Variants in SBF1 observed in about 807,000 individuals in gnomAD.
The protein encoded by SBF1 is myotubularin-related protein 5.
In SBF1, 65 loss-of-function variants were observed where a neutral mutation model predicts 215.8. The ratio of observed to expected loss-of-function variants is 0.30; its 90% confidence interval spans 0.25 to 0.37. The LOEUF (loss-of-function observed/expected upper bound fraction) is 0.37, where lower values mean the gene tolerates loss of function less well. Among genes scored for constraint, SBF1 ranks in the 10% least tolerant of loss-of-function variants. The probability of loss-of-function intolerance (pLI) is 1.00; values close to 1 mark genes in which losing one functional copy is unlikely to be tolerated. For synonymous variants in SBF1, 1,410 were observed against 1,122.8 expected (o/e 1.26, Z -5.11); for missense variants, 2,634 against 2,667.8 (o/e 0.99, Z 0.28).
rs372926692 is a variant in SBF1, at chr22:50,464,886, G to A, written c.1364C>T (p.Ala455Val). 2.8e-4 allele frequency: 444 copies of A among 1,613,674 alleles called. 1 individual carries two copies. The highest frequency in any genetic ancestry group is 3.7e-4 in the Non-Finnish European group (437 of 1,180,016). ...GACACGCTGGGGGTGGTTCTCATCC[G>A]CCCGCATCCTTGCCACCTCGTGGGC... Reference protein sequence around the residue: ...LVAHEVARMRADENHPQRVLR... With the variant: ...LVAHEVARMRVDENHPQRVLR... The change falls in exon 13 of 41, where the codon GCG (alanine) becomes GTG (valine). Residue 455 changes from alanine (A) to valine (V), a missense_variant. By Grantham distance (64) the Ala-to-Val change is moderately conservative. Coordinates refer to ENST00000380817, the MANE Select transcript of SBF1 (RefSeq NM_002972.4).
Position 50,466,252 on chromosome 22 carries a change from G to A in SBF1, c.795C>T (p.Thr265=), listed in dbSNP as rs1054781823. ...GCTGAGCCGGCAGGATGGGCACATA[G>A]GTGAAGCTGTGCAGGCCCCAGAGGA... ...ALLFPLRYSF[T]YVPILPAQLL... Residue 265 remains threonine (T), a synonymous_variant, in exon 8 of 41, where the codon ACC becomes ACT. Coordinates refer to ENST00000380817, the MANE Select transcript of SBF1 (RefSeq NM_002972.4). 3.7e-6 allele frequency: 6 copies of A among 1,613,542 alleles called. No homozygotes were observed. The highest frequency in any genetic ancestry group is 5.1e-6 in the Non-Finnish European group (6 of 1,180,016).
chr22:50,464,693 C>G lies in SBF1; in HGVS notation c.1477G>C (p.Gly493Arg), dbSNP rs373993266. Residue 493 changes from glycine (G) to arginine (R), a missense_variant, in exon 14 of 41, where the codon GGT becomes CGT. By Grantham distance (125) the Gly-to-Arg change is moderately radical. Transcript: ENST00000380817. ...ACCCGTCGCAGGTGGCTGCTCTCAC[C>G]GGGCCTCTGTACCTTGTGCATCGCC... ...AVAMHKVQRPGESSHLRRVPR... is the reference protein window; with the variant it reads ...AVAMHKVQRPRESSHLRRVPR... The G allele has an allele frequency of 6.2e-7, 1 of 1,607,586 alleles. No individual in the cohort carries two copies. The highest frequency in any genetic ancestry group is 8.5e-7 in the Non-Finnish European group (1 of 1,179,618).
rs1263806867 is a variant in SBF1, at chr22:50,474,792, G to A, written c.49C>T (p.Pro17Ser). 4.7e-5 allele frequency: 68 copies of A among 1,461,214 alleles called. No homozygotes were observed. In the East Asian group the frequency reaches 8.1e-4, roughly 17 times the overall value. 90.5% of individuals were successfully genotyped at this position (1,461,214 alleles called of 1,614,324 possible). Residue 17 changes from proline (P) to serine (S), a missense_variant, in exon 1 of 41, where the codon CCG becomes TCG. Transcript: ENST00000380817. ...YFVLVAFGPH[P>S]RGSGEGQGQI... ...GCTTGGCCTCGGCACTCACCGCGCG[G>A]GTGCGGCCCGAACGCCACCAGCACG...
rs929323524 is a variant in SBF1, at chr22:50,454,723, T to C, written c.4832A>G (p.Asn1611Ser). The C allele has an allele frequency of 1.8e-5, 28 of 1,570,384 alleles. No individual in the cohort carries two copies. The highest frequency in any genetic ancestry group is 1.9e-4 in the Middle Eastern group (1 of 5,382). Reference sequence around the variant, plus strand: ...GTCCCACACCTTCAGGTTGGACACGTTGCTGTAGGGCCGCAGGACCTGAGG... The same window carrying C: ...GTCCCACACCTTCAGGTTGGACACGCTGCTGTAGGGCCGCAGGACCTGAGG... ...EDAEVLRPYS[N>S]VSNLKVWDFY... The change falls in exon 36 of 41, where the codon AAC becomes AGC. Residue 1611 changes from asparagine (N) to serine (S), a missense_variant. Transcript: ENST00000380817.
intron 29 of SBF1, 131 bp downstream of exon 29, chr22:50,456,903 T>C: frequency 1.2e-6 from 1 of 823,632 alleles, no homozygotes; most frequent in Non-Finnish European, 1.8e-6. Flanking sequence ...AGGTAAGGAC[T>C]GGGGCTCGGG....
chr22:50,468,290 A>G (rs1344284824), intron 2 of SBF1, 86 bp downstream of exon 2: 1 of 1,264,976 alleles, frequency 7.9e-7, no homozygotes, highest in African/African-American at 1.5e-5. Flanking sequence ...GGCACTGTGG[A>G]GGCCCCTCAG....
rs201341949 is a variant in SBF1, at chr22:50,460,128, G to C, written c.3315C>G (p.Thr1105=). ...VSEELEPSTL[T]PSSALKPSDR... ...CGGAGGGCTTCAGGGCTGAGGACGG[G>C]GTCAGCGTGCTGGGCTCCAGCTCCT... The change falls in exon 26 of 41, where the codon ACC becomes ACG. Residue 1105 remains threonine (T), a synonymous_variant. Coordinates refer to ENST00000380817, the MANE Select transcript of SBF1 (RefSeq NM_002972.4). The C allele has an allele frequency of 6.2e-7, 1 of 1,612,544 alleles. No individual in the cohort carries two copies. The highest frequency in any genetic ancestry group is 8.5e-7 in the Non-Finnish European group (1 of 1,179,984).
rs367804961 is a variant in SBF1, at chr22:50,465,199, C to G, written c.1203+16G>C. 1.3e-5 allele frequency: 21 copies of G among 1,612,522 alleles called. No individual in the cohort carries two copies. Among genetic ancestry groups the G allele is most frequent in the Non-Finnish European group, 1.6e-5 (19 of 1,179,384 alleles). ...CGCTTATCTCCTACCCCACGCCCAG[C>G]CACCAGGCACCCCACCTTATGGAAG... On this transcript the variant is annotated intron_variant, in intron 11 of 40. Coordinates refer to ENST00000380817, the MANE Select transcript of SBF1 (RefSeq NM_002972.4).
chr22:50,467,166 G>A (rs998971078), intron 5 of SBF1, 172 bp downstream of exon 5: 3 of 613,998 alleles, frequency 4.9e-6, no homozygotes, highest in Admixed American at 2.9e-5. Context: ...GCACAGGTGC[G>A]AGGGCCAGGT....
chr22:50,470,835 C>G (rs550587215), intron 1 of SBF1, among the ~76,000 whole-genome samples: 56 of 152,358 alleles, frequency 3.7e-4, no homozygotes, highest in African/African-American at 1.2e-3. Context: ...CAGAACACAG[C>G]TGGCCCCTGG....
intron 27 of SBF1, 35 bp downstream of exon 27, chr22:50,459,435 G>A (rs763352220): frequency 4.0e-5 from 64 of 1,611,940 alleles, no homozygotes; most frequent in South Asian, 2.7e-4. Context: ...GGTGAGATAG[G>A]GCAGGGCAGG....
In SBF1 at chr22:50,456,398, G is replaced by C; in HGVS notation, c.4087-3C>G. The C allele has an allele frequency of 6.2e-7, 1 of 1,611,888 alleles. No individual in the cohort carries two copies. The highest frequency in any genetic ancestry group is 8.5e-7 in the Non-Finnish European group (1 of 1,179,858). ...TGCAGGGGGTCTGACCGCACACCCT[G>C]AAAAGAATCCGGACAAGTCCCGTGA... On this transcript the variant is annotated splice_polypyrimidine_tract_variant and splice_region_variant and intron_variant, in intron 30 of 40. Coordinates refer to ENST00000380817, the MANE Select transcript of SBF1 (RefSeq NM_002972.4).
At chr22:50,456,085 G>A in intron 31 of SBF1, 131 bp downstream of exon 31, 2 of 980,610 alleles carry the variant, frequency 2.0e-6, no homozygotes, top group Admixed American at 5.8e-5. Flanking sequence ...GCCTGGGTGG[G>A]AAGTGGCTGT....
At chr22:50,454,984 C>T (rs757896739) in intron 34 of SBF1, 32 bp downstream of exon 34, 5 of 1,613,994 alleles carry the variant, frequency 3.1e-6, no homozygotes, top group Non-Finnish European at 3.4e-6. Context: ...CCTCCTGACC[C>T]GTGGCTGCCC....
intron 1 of SBF1, among the ~76,000 whole-genome samples, chr22:50,469,993 C>T (rs1193132167): frequency 3.3e-5 from 5 of 152,124 alleles, no homozygotes; most frequent in African/African-American, 1.2e-4. Context: ...TTCCTGCTCC[C>T]CTCCCCCTCC....
chr22:50,447,449 C>T lies in SBF1; in HGVS notation c.5456G>A (p.Arg1819His), dbSNP rs1361032632. Residue 1819 changes from arginine to histidine, a missense_variant, in exon 40 of 41, where the codon CGC becomes CAC. Arg to His is a conservative substitution (Grantham distance 29, BLOSUM62 0). Transcript: ENST00000380817. Reference sequence around the variant, plus strand: ...TGTGTCCACACGGTGGTCGTAGTAGCGCAGCTGGAGGAGGCCACAGAGTCA... The same window carrying T: ...TGTGTCCACACGGTGGTCGTAGTAGTGCAGCTGGAGGAGGCCACAGAGTCA... ...FVLDKTKHQL[R>H]YYDHRVDTEC... is the part of the protein sequence containing the mutation. 9 of 1,610,034 alleles carry T rather than the reference C, an allele frequency of 5.6e-6. No homozygotes were observed. The highest frequency in any genetic ancestry group is 2.3e-5 in the East Asian group (1 of 44,356).
chr22:50,472,616 T>C (rs547825771), intron 1 of SBF1, among the ~76,000 whole-genome samples: 13 of 152,280 alleles, frequency 8.5e-5, no homozygotes, highest in African/African-American at 3.1e-4. Flanking sequence ...TTAGCATGAC[T>C]CACTCCATCC....
In SBF1 at chr22:50,456,602, C is replaced by T. The variant is rs779507723; in HGVS notation, c.3976G>A (p.Gly1326Ser). The T allele has an allele frequency of 2.6e-5, 40 of 1,531,878 alleles. No individual in the cohort carries two copies. The African/African-American group carries it at 5.4e-4, about 21-fold the overall frequency. 94.9% of individuals were successfully genotyped at this position (1,531,878 alleles called of 1,614,324 possible). A position where few individuals can be genotyped will look rare whatever the true frequency, so the allele number is the denominator to read the frequency against. The change falls in exon 30 of 41, where the codon GGC becomes AGC. Residue 1326 changes from glycine to serine, a missense_variant. By Grantham distance (56) the Gly-to-Ser change is moderately conservative. Transcript: ENST00000380817. ...LGTDVGSRLA[G>S]RDALAPPQAN... ...TGGGGTGGGGCCAGCGCGTCTCTGCCAGCTAGCCGGGAGCCCACATCGGTG... is the reference window on the plus strand; with the variant it reads ...TGGGGTGGGGCCAGCGCGTCTCTGCTAGCTAGCCGGGAGCCCACATCGGTG...
chr22:50,463,893 A>G (rs2067630485), intron 15 of SBF1, among the ~76,000 whole-genome samples: 2 of 152,262 alleles, frequency 1.3e-5, no homozygotes, highest in African/African-American at 4.8e-5. Context: ...GAAAGACCCC[A>G]GAGGCGTTAA....
Sources: gnomAD v4.1 joint callset for allele counts (sites outside exome capture counted in the v4.1 genomes callset) on GRCh38, gnomAD v4.1.1 for gene constraint, MANE v1.5 for transcripts, NCBI Gene and HGNC (gene_info 2026-07-23, HGNC 2026-07-21) for gene names.